The following PPP2R5C variants were observed in gnomAD, a reference collection of about 807,000 sequenced individuals.
PPP2R5C encodes the protein protein phosphatase 2 regulatory subunit B'gamma, also known as serine/threonine-protein phosphatase 2A 56 kDa regulatory subunit gamma isoform.
A neutral mutation model predicts 68.9 loss-of-function variants in PPP2R5C; 7 were observed. The ratio of observed to expected loss-of-function variants is 0.10; its 90% confidence interval spans 0.06 to 0.19. PPP2R5C has a LOEUF of 0.19. Among genes scored for constraint, PPP2R5C ranks in the 10% least tolerant of loss-of-function variants. The probability of loss-of-function intolerance (pLI) is 1.00; values close to 1 mark genes in which losing one functional copy is unlikely to be tolerated. For missense variants in PPP2R5C, 348 were observed against 641.3 expected (o/e 0.54, Z 4.94); for synonymous variants, 210 against 222.2 (o/e 0.95, Z 0.49).
intron 5 of PPP2R5C, among the ~76,000 whole-genome samples, chr14:101,885,393 C>T (rs2044430970): frequency 6.6e-6 from 1 of 151,592 alleles, no homozygotes; most frequent in Non-Finnish European, 1.5e-5. Flanking sequence ...GGCCCGCAGC[C>T]CCGGCCTCTC....
intron 1 of PPP2R5C, chr14:101,833,517 A>G (rs1465508280): frequency 1.3e-5 from 2 of 152,140 alleles, no homozygotes; most frequent in Non-Finnish European, 2.9e-5. Context: ...CCTTGGGTAA[A>G]CCATTGTTCT....
chr14:101,850,665 A>T (rs2140505705), intron 1 of PPP2R5C, among the ~76,000 whole-genome samples: 1 of 152,220 alleles, frequency 6.6e-6, no homozygotes, highest in South Asian at 2.1e-4. Context: ...AGAAACTCAG[A>T]CTCCAGGTGG....
chr14:101,824,231 A>C, intron 1 of PPP2R5C: 1 of 1,152,122 alleles, frequency 8.7e-7, no homozygotes. Context: ...TTTAGTACAA[A>C]ATTAGATATA....
At chr14:101,918,016 C>T (rs1012213639) in intron 13 of PPP2R5C, 69 bp downstream of exon 15, 141 of 1,602,578 alleles carry the variant, frequency 8.8e-5, no homozygotes, top group Middle Eastern at 3.3e-4. Flanking sequence ...TTTTTGTAGG[C>T]GATGTGATTT....
chr14:101,906,551 T>A lies in PPP2R5C; in HGVS notation c.1151+22T>A, dbSNP rs749190273. ...ACAAGTAAGAAAGAACTGGCTGCCA[T>A]CTTTTTCAGTCATTTTAAAATATGG... is the stretch of plus-strand genomic sequence containing the variant. On this transcript the variant is annotated intron_variant, in intron 10 of 13. Transcript: ENST00000334743. This position sits in a 1 kb window ranked among gnomAD's most constrained non-coding sequence, Gnocchi z 4.0. The A allele has an allele frequency of 6.3e-7, 1 of 1,580,464 alleles. No homozygotes were observed. The highest frequency in any genetic ancestry group is 1.2e-5 in the South Asian group (1 of 85,490).
In PPP2R5C at chr14:101,879,733, G is replaced by A. The variant is rs575174151; in HGVS notation, c.295-2428G>A. Among the ~76,000 whole-genome samples the A allele has an allele frequency of 6.6e-6, 1 of 152,264 alleles. No individual in the cohort carries two copies. The highest frequency in any genetic ancestry group is 1.9e-4 in the East Asian group (1 of 5,174). Reference sequence around the variant, plus strand: ...TGTGGGTGACTGGACCCTCACCCCAGTCTCTTGGCTTTGAGAGAGAGGGTA... The same window carrying A: ...TGTGGGTGACTGGACCCTCACCCCAATCTCTTGGCTTTGAGAGAGAGGGTA... On this transcript the variant is annotated intron_variant, in intron 2 of 13. Transcript: ENST00000334743. The surrounding 1 kb of genome is among the most constrained non-coding windows in gnomAD (Gnocchi z 4.2).
chr14:101,814,725 A>G (rs1369173021), intron 1 of PPP2R5C, among the ~76,000 whole-genome samples: 1 of 152,246 alleles, frequency 6.6e-6, no homozygotes, highest in African/African-American at 2.4e-5. Context: ...AAACCCAGGA[A>G]AAGAATAGAC....
chr14:101,882,916 G>T lies in PPP2R5C; in HGVS notation c.406-341G>T. ...TTGGCATTGTGGGACACTCCTAGGCGACAGGCTGCAAATCCCCCCTGCAGA... is the reference window on the plus strand; with the variant it reads ...TTGGCATTGTGGGACACTCCTAGGCTACAGGCTGCAAATCCCCCCTGCAGA... On this transcript the variant is annotated intron_variant, in intron 3 of 13. Coordinates refer to ENST00000334743, the Ensembl canonical transcript of PPP2R5C. The surrounding 1 kb of genome is among the most constrained non-coding windows in gnomAD (Gnocchi z 4.9). 4.5e-6 allele frequency: 1 copy of T among 220,036 alleles called. No homozygotes were observed. 13.6% of individuals were successfully genotyped at this position (220,036 alleles called of 1,614,324 possible). A position where few individuals can be genotyped will look rare whatever the true frequency, so the allele number is the denominator to read the frequency against.
chr14:101,829,888 G>T (rs974269509), intron 1 of PPP2R5C, among the ~76,000 whole-genome samples: 9 of 151,936 alleles, frequency 5.9e-5, no homozygotes, highest in African/African-American at 2.2e-4. Flanking sequence ...TTTTTTCGCA[G>T]TATTGAAATG....
rs1486826313 is a variant in PPP2R5C, at chr14:101,891,311, T to C, written c.689+1015T>C. Among the ~76,000 whole-genome samples, 3 of 152,150 alleles carry C rather than the reference T, an allele frequency of 2.0e-5. No individual in the cohort carries two copies. The highest frequency in any genetic ancestry group is 2.9e-5 in the Non-Finnish European group (2 of 68,022). ...TGAGCACAAGACTCTCTTCTCAGGG[T>C]GGATCAGGTCCTGCCCAGTAGTTCT... On this transcript the variant is annotated intron_variant, in intron 6 of 13. Transcript: ENST00000334743. This position sits in a 1 kb window ranked among gnomAD's most constrained non-coding sequence, Gnocchi z 4.9.
At chr14:101,810,118 A>G (rs536267257) in intron 1 of PPP2R5C, 3 of 1,310,694 alleles carry the variant, frequency 2.3e-6, no homozygotes, top group Non-Finnish European at 3.3e-6. Flanking sequence ...TAAGAAAAGC[A>G]GGAAGTCCTT....
At chr14:101,811,862 T>TG (rs2039382831) in intron 1 of PPP2R5C, among the ~76,000 whole-genome samples, 1 of 149,174 alleles carries the variant, frequency 6.7e-6, no homozygotes, top group African/African-American at 2.5e-5. Context: ...ACCACATTGA[T>TG]TTTTTTTTTA....
chr14:101,834,467 A>G (rs2040957228), intron 1 of PPP2R5C, among the ~76,000 whole-genome samples: 1 of 152,276 alleles, frequency 6.6e-6, no homozygotes, highest in Non-Finnish European at 1.5e-5. Flanking sequence ...GCCACCAGCA[A>G]GTTAATCTAA....
intron 3 of PPP2R5C, among the ~76,000 whole-genome samples, chr14:101,793,323 C>G (rs926638428): frequency 6.6e-6 from 1 of 152,220 alleles, no homozygotes; most frequent in Non-Finnish European, 1.5e-5. Context: ...TATAAATTTT[C>G]TGAATCGTAC....
rs933800412 is a variant in PPP2R5C at position 101,917,130 on chromosome 14, G to T, written c.1327-701G>T. Among the ~76,000 whole-genome samples, 1 of 152,004 alleles carries T rather than the reference G, an allele frequency of 6.6e-6. No individual in the cohort carries two copies. The highest frequency in any genetic ancestry group is 2.4e-5 in the African/African-American group (1 of 41,388). ...CACCCTCCGGGGTGACCTTACCCCCGCACTACACTCATGGAAATGGAGTCA... is the reference window on the plus strand; with the variant it reads ...CACCCTCCGGGGTGACCTTACCCCCTCACTACACTCATGGAAATGGAGTCA... On this transcript the variant is annotated intron_variant, in intron 12 of 13. Coordinates refer to ENST00000334743, the Ensembl canonical transcript of PPP2R5C. This position sits in a 1 kb window ranked among gnomAD's most constrained non-coding sequence, Gnocchi z 4.4.
upstream of PPP2R5C, among the ~76,000 whole-genome samples, chr14:101,761,067 G>GA (rs2036496165): frequency 8.1e-6 from 1 of 123,616 alleles, no homozygotes; most frequent in Non-Finnish European, 1.7e-5. Flanking sequence ...GGAGTGGAGG[G>GA]AGAGGAGGGA....
Position 101,925,457 on chromosome 14 carries a change from C to A in PPP2R5C, c.*185C>A, listed in dbSNP as rs879109096. The A allele has an allele frequency of 5.5e-6, 6 of 1,093,974 alleles. No individual in the cohort carries two copies. The South Asian group carries it at 1.1e-4, about 20-fold the overall frequency. 67.8% of individuals were successfully genotyped at this position (1,093,974 alleles called of 1,614,324 possible). A position where few individuals can be genotyped will look rare whatever the true frequency, so the allele number is the denominator to read the frequency against. On this transcript the variant is annotated 3_prime_UTR_variant, in exon 14 of 14. Coordinates refer to ENST00000334743, the Ensembl canonical transcript of PPP2R5C. ...TTCAAACAATGGTGACTTCCCAGAG[C>A]CCGCTGGCAGAGCCGCGGGTTGACG...
chr14:101,823,180 G>A (rs1345783739), intron 1 of PPP2R5C, among the ~76,000 whole-genome samples: 1 of 152,124 alleles, frequency 6.6e-6, no homozygotes, highest in Non-Finnish European at 1.5e-5. Flanking sequence ...GAGTTCTTTG[G>A]CAGGAAATGG....
In PPP2R5C at chr14:101,891,671, T is replaced by C. The variant is rs1181284722; in HGVS notation, c.690-1329T>C. 2.6e-5 allele frequency among the ~76,000 whole-genome samples: 4 copies of C among 152,196 alleles called. No individual in the cohort carries two copies. Among genetic ancestry groups the C allele is most frequent in the African/African-American group, 9.6e-5 (4 of 41,528 alleles). ...TGATTAGTTTTATCCTTCTTCCAGA[T>C]GAGGCTGAGCCTTCGGGTGACCCTG... On this transcript the variant is annotated intron_variant, in intron 6 of 13. Coordinates refer to ENST00000334743, the Ensembl canonical transcript of PPP2R5C. The surrounding 1 kb of genome is among the most constrained non-coding windows in gnomAD (Gnocchi z 4.9).
Sources: allele counts gnomAD v4.1 joint callset (sites outside exome capture counted in the v4.1 genomes callset), GRCh38; gene constraint gnomAD v4.1.1; non-coding constraint Gnocchi (gnomAD v3.1); transcripts MANE v1.5; gene names NCBI Gene and HGNC (gene_info 2026-07-23, HGNC 2026-07-21).